DPP6: variants seen among roughly 807,000 people sequenced by gnomAD.
The protein encoded by DPP6 is dipeptidyl peptidase like 6.
In DPP6, 69 loss-of-function variants were observed where a neutral mutation model predicts 122.6. The ratio of observed to expected loss-of-function variants is 0.56; its 90% CI spans 0.46 to 0.69. The LOEUF is 0.69. DPP6 is among the 30% of genes least tolerant of loss of function. DPP6 has a pLI of 0.00. For synonymous variants in DPP6, 418 were observed against 433.1 expected (o/e 0.97, Z 0.43); for missense variants, 928 against 1,116.9 (o/e 0.83, Z 2.41).
At chr7:154,733,183 G>A (rs1842417142) in intron 8 of DPP6, among the ~76,000 whole-genome samples, 1 of 152,216 alleles carries the variant, frequency 6.6e-6, no homozygotes, top group African/African-American at 2.4e-5. Flanking sequence ...GGAGGAAGTG[G>A]GGATGTGGCT....
At chr7:154,322,968 A>C (rs920732003) in intron 1 of DPP6, among the ~76,000 whole-genome samples, 2 of 152,192 alleles carry the variant, frequency 1.3e-5, no homozygotes, top group Non-Finnish European at 2.9e-5. Context: ...CCACCATACA[A>C]ACCGAGATGG....
At chr7:154,464,418 A>T (rs1040059519) in intron 2 of DPP6, among the ~76,000 whole-genome samples, 1 of 152,204 alleles carries the variant, frequency 6.6e-6, no homozygotes, top group African/African-American at 2.4e-5. Flanking sequence ...GTGATCATTA[A>T]TCTGATTTTT....
rs371468873 is a variant in DPP6 at position 153,927,916 on chromosome 7, A to G, written c.51+40182A>G. 3.3e-5 allele frequency among the ~76,000 whole-genome samples: 5 copies of G among 152,294 alleles called. No homozygotes were observed. In the East Asian group the frequency reaches 5.8e-4, roughly 18 times the overall value. On this transcript the variant is annotated intron_variant, in intron 1 of 25. Coordinates refer to the DPP6 transcript ENST00000404039. ...AAACAGTAAACATCAGTGCACACTT[A>G]AAAGCATGATAATTGCCAAAAGAAT...
intron 1 of DPP6, among the ~76,000 whole-genome samples, chr7:154,224,993 T>G (rs574731097): frequency 1.4e-4 from 21 of 151,990 alleles, no homozygotes; most frequent in African/African-American, 5.1e-4. Flanking sequence ...AATACAAAAA[T>G]TAGCCAGGCA....
At chr7:154,285,390 A>G (rs930237112) in intron 1 of DPP6, among the ~76,000 whole-genome samples, 8 of 151,950 alleles carry the variant, frequency 5.3e-5, no homozygotes, top group Admixed American at 5.2e-4. Flanking sequence ...TCAGCCTCCC[A>G]AGTAGCTTGG....
intron 7 of DPP6, among the ~76,000 whole-genome samples, chr7:154,695,089 G>A (rs1427975776): frequency 6.6e-6 from 1 of 152,212 alleles, no homozygotes; most frequent in South Asian, 2.1e-4. Context: ...GTGATATTAG[G>A]AAGACGGGGG....
intron 1 of DPP6, among the ~76,000 whole-genome samples, chr7:154,022,615 AC>A (rs1340328044): frequency 1.3e-5 from 2 of 152,148 alleles, no homozygotes; most frequent in Admixed American, 1.3e-4. Context: ...AATTTTATAG[AC>A]TAACGGTTGC....
the DPP6 span, among the ~76,000 whole-genome samples, chr7:153,775,590 G>A: frequency 1.7e-3 from 251 of 151,932 alleles, no homozygotes; most frequent in African/African-American, 5.8e-3. Context: ...CAGGTTGGTA[G>A]AGAAGTCAGG....
chr7:154,037,088 C>G (rs1299093920), intron 1 of DPP6, among the ~76,000 whole-genome samples: 1 of 152,106 alleles, frequency 6.6e-6, no homozygotes, highest in Non-Finnish European at 1.5e-5. Flanking sequence ...AGTCTCTGAT[C>G]CAGACATTTG....
intron 16 of DPP6, among the ~76,000 whole-genome samples, chr7:154,848,978 T>C (rs548526296): frequency 1.6e-4 from 25 of 152,160 alleles, no homozygotes; most frequent in Non-Finnish European, 2.6e-4. Flanking sequence ...TGTAGATGAA[T>C]TGGTTTATTT....
In DPP6 at chr7:154,468,184, A is replaced by G. The variant is rs555231833; in HGVS notation, c.359-6755A>G. ...AACATGGATGAACTTTGAAAACACA[A>G]TACTATCTGAAATAAGCCAGTCACA... On this transcript the variant is annotated intron_variant, in intron 2 of 25. Coordinates refer to ENST00000377770, the MANE Select transcript of DPP6 (RefSeq NM_130797.4). 7.3e-4 allele frequency among the ~76,000 whole-genome samples: 111 copies of G among 152,338 alleles called. No homozygotes were observed. The Middle Eastern group carries it at 0.017, about 23-fold the overall frequency.
At chr7:154,386,900 G>A (rs1033719952) in intron 1 of DPP6, among the ~76,000 whole-genome samples, 6 of 151,360 alleles carry the variant, frequency 4.0e-5, no homozygotes, top group African/African-American at 1.5e-4. Context: ...GGCTGTGGAT[G>A]ACGGAAATAG....
chr7:154,798,886 A>C (rs2150442697), intron 12 of DPP6, among the ~76,000 whole-genome samples: 1 of 152,336 alleles, frequency 6.6e-6, no homozygotes, highest in Admixed American at 6.5e-5. Flanking sequence ...ACAACTTAGT[A>C]ACTTTTTAAG....
rs1349225481 is a variant in DPP6 at position 154,872,664 on chromosome 7, C to T, written c.1854C>T (p.Asp618=). Residue 618 remains aspartate (D), a synonymous_variant, in exon 19 of 26, where the codon GAC becomes GAT. Coordinates refer to ENST00000377770, the MANE Select transcript of DPP6 (RefSeq NM_130797.4). ...MQILKPATFT[D]TTHYPLLLVV... The stretch of plus-strand genomic sequence containing the variant: ...TACTGAAGCCAGCAACCTTCACCGA[C>T]ACCACCCACTACCCTCTGCTCCTGG... 1 of 1,601,706 alleles carries T rather than the reference C, an allele frequency of 6.2e-7. No individual in the cohort carries two copies. Among genetic ancestry groups the T allele is most frequent in the Non-Finnish European group, 8.5e-7 (1 of 1,174,344 alleles).
chr7:154,412,745 C>T (rs545511699), intron 1 of DPP6, among the ~76,000 whole-genome samples: 12 of 152,062 alleles, frequency 7.9e-5, no homozygotes, highest in South Asian at 2.1e-4. Flanking sequence ...CCGCCCAATC[C>T]GAGTGACTTC....
At chr7:153,960,402 A>G (rs1022336249) in intron 1 of DPP6, among the ~76,000 whole-genome samples, 14 of 152,202 alleles carry the variant, frequency 9.2e-5, no homozygotes, top group African/African-American at 2.4e-4. Context: ...CACATTCTTA[A>G]TAGCCGCACC....
At chr7:153,762,525 C>T in the DPP6 span, among the ~76,000 whole-genome samples, 1 of 152,150 alleles carries the variant, frequency 6.6e-6, no homozygotes, top group Admixed American at 6.5e-5. Context: ...AATTCCAGCA[C>T]TTTGGGAGGC....
intron 1 of DPP6, among the ~76,000 whole-genome samples, chr7:154,321,193 C>T (rs1175871613): frequency 6.6e-6 from 1 of 151,786 alleles, no homozygotes; most frequent in African/African-American, 2.4e-5. Flanking sequence ...GGGAGGATCG[C>T]TTAAGCCCAA....
rs1419335038 is a variant in DPP6 at position 154,627,012 on chromosome 7, T to C, written c.628-10809T>C. Among the ~76,000 whole-genome samples the C allele has an allele frequency of 1.2e-3, 134 of 112,760 alleles. 2 individuals carry two copies. The highest frequency in any genetic ancestry group is 4.4e-3 in the African/African-American group (128 of 29,018). 74.0% of individuals were successfully genotyped at this position (112,760 alleles called of 152,430 possible). On this transcript the variant is annotated intron_variant, in intron 5 of 25. Transcript: ENST00000377770. ...TTAGAAATTTTTTCTTTTTTTTTTT[T>C]TTTTTTTTTTTTTTTTTTTGAGACA...
Sources: gnomAD v4.1 joint callset for allele counts (sites outside exome capture counted in the v4.1 genomes callset) on GRCh38, gnomAD v4.1.1 for gene constraint, MANE v1.5 for transcripts, NCBI Gene and HGNC (gene_info 2026-07-23, HGNC 2026-07-21) for gene names.